The following HMCN2 variants were observed in gnomAD, a reference collection of about 807,000 sequenced individuals.
The protein encoded by HMCN2 is hemicentin-2.
HMCN2 carries 325 observed loss-of-function variants against 377.5 expected under a neutral mutation model. The observed-to-expected ratio is 0.86, with a 90% CI of 0.79 to 0.94. HMCN2 has a LOEUF of 0.94. Among genes scored for constraint, HMCN2 ranks in the 40% least tolerant of loss-of-function variants. HMCN2 has a pLI of 0.00. For synonymous variants in HMCN2, 2,007 were observed against 2,046.8 expected (o/e 0.98, Z 0.53); for missense variants, 4,543 against 4,725.3 (o/e 0.96, Z 1.13).
In HMCN2 at chr9:130,424,184, A is replaced by T. The variant is rs1166668882; in HGVS notation, c.13382-592A>T. On this transcript the variant is annotated intron_variant, in intron 87 of 97. Transcript: ENST00000683500. ...ATATATATATATTTTTTTTTTTTTT[A>T]ATTTTTTTTTTTGAGACGGAGTCTC... Among the ~76,000 whole-genome samples, 88 of 133,264 alleles carry T rather than the reference A, an allele frequency of 6.6e-4. No individual in the cohort carries two copies. The Middle Eastern group carries it at 0.015, about 22-fold the overall frequency. 87.4% of individuals were successfully genotyped at this position (133,264 alleles called of 152,430 possible).
Position 130,365,830 on chromosome 9 carries a change from C to G in HMCN2, c.6506-46C>G, listed in dbSNP as rs770059822. 119 of 984,452 alleles carry G rather than the reference C, an allele frequency of 1.2e-4. No homozygotes were observed. The Middle Eastern group carries it at 3.6e-3, about 30-fold the overall frequency. 61.0% of individuals were successfully genotyped at this position (984,452 alleles called of 1,614,324 possible). A position where few individuals can be genotyped will look rare whatever the true frequency, so the allele number is the denominator to read the frequency against. ...TGCCCTCGCCTTGCTCATCCCCTCC[C>G]CATCTCAGCCCCACCCCCACTAACT... On this transcript the variant is annotated intron_variant, in intron 42 of 97. Transcript: ENST00000683500.
chr9:130,352,701 T>A (rs566087860), intron 30 of HMCN2, among the ~76,000 whole-genome samples: 1 of 152,204 alleles, frequency 6.6e-6, no homozygotes, highest in African/African-American at 2.4e-5. Flanking sequence ...TCCAAGCCTG[T>A]GGCCCCGCCC....
At chr9:130,380,126 C>T (rs1172007366) in intron 54 of HMCN2, among the ~76,000 whole-genome samples, 5 of 152,204 alleles carry the variant, frequency 3.3e-5, no homozygotes, top group East Asian at 1.9e-4. Context: ...TCCACCGTCT[C>T]GGATCGGCCT....
At position 130,404,955 on chromosome 9, in the gene HMCN2, C is replaced by T; in HGVS notation, c.12235C>T (p.Pro4079Ser). 1.7e-5 allele frequency: 22 copies of T among 1,289,516 alleles called. No homozygotes were observed. Among genetic ancestry groups the T allele is most frequent in the Non-Finnish European group, 2.2e-5 (22 of 988,728 alleles). 79.9% of individuals were successfully genotyped at this position (1,289,516 alleles called of 1,614,324 possible). ...CTTGCCTTGCAAGGCGAGGGGCAGT[C>T]CTGAGCCCAACATCACCTGGGACAA... ...AFLPCKARGS[P>S]EPNITWDKDG... Residue 4079 changes from proline (P) to serine (S), a missense_variant, in exon 81 of 98, where the codon CCT becomes TCT. Pro to Ser is a moderately conservative substitution (Grantham distance 74, BLOSUM62 -1). Around this residue, in one of 5 missense-constraint regions of HMCN2, gnomAD observed 1,073 missense variants for 1,319.5 expected, o/e 0.81. Transcript: ENST00000683500.
At position 130,414,965 on chromosome 9, in the gene HMCN2, C is replaced by T. The variant is rs1466133906; in HGVS notation, c.12962-3807C>T. 6.6e-6 allele frequency among the ~76,000 whole-genome samples: 1 copy of T among 152,110 alleles called. No individual in the cohort carries two copies. The highest frequency in any genetic ancestry group is 1.5e-5 in the Non-Finnish European group (1 of 68,014). On this transcript the variant is annotated intron_variant, in intron 85 of 97. Transcript: ENST00000683500. The surrounding 1 kb of genome is among the most constrained non-coding windows in gnomAD (Gnocchi z 4.4). ...CACTGAGTGGGAAGCCCCTCGCCTA[C>T]ACAGGCCGAGTGGGGAGCAATAAGC...
rs952558796 is a variant in HMCN2 at position 130,351,898 on chromosome 9, C to A, written c.4585+321C>A. Among the ~76,000 whole-genome samples the A allele has an allele frequency of 3.3e-5, 5 of 152,060 alleles. No individual in the cohort carries two copies. Among genetic ancestry groups the A allele is most frequent in the Non-Finnish European group, 7.4e-5 (5 of 68,004 alleles). Reference sequence around the variant, plus strand: ...ACCATCTTGGCTCACTGCAACCTCCCCCTCCCAGATTCAAGTGATTCTCTT... The same window carrying A: ...ACCATCTTGGCTCACTGCAACCTCCACCTCCCAGATTCAAGTGATTCTCTT... On this transcript the variant is annotated intron_variant, in intron 30 of 97. Transcript: ENST00000683500. The surrounding 1 kb of genome is among the most constrained non-coding windows in gnomAD (Gnocchi z 5.4).
chr9:130,425,971 C>A, intron 90 of HMCN2, 47 bp downstream of exon 90: 2 of 1,408,826 alleles, frequency 1.4e-6, no homozygotes, highest in Non-Finnish European at 1.9e-6. Flanking sequence ...CAGCTAAAAC[C>A]TGCCAGGGGG....
chr9:130,274,986 T>C (rs1402797647), intron 1 of HMCN2, among the ~76,000 whole-genome samples: 2 of 152,244 alleles, frequency 1.3e-5, no homozygotes, highest in African/African-American at 4.8e-5. Flanking sequence ...AAAATTGCTT[T>C]GTTAAAGTAT....
In HMCN2 at chr9:130,304,690, C is replaced by A; in HGVS notation, c.1544-40C>A. On this transcript the variant is annotated intron_variant, in intron 10 of 97. Transcript: ENST00000683500. The surrounding 1 kb of genome is among the most constrained non-coding windows in gnomAD (Gnocchi z 4.3). ...GCTTGCACGATGACCCCCTCCCTTG[C>A]CTCAGCTCCTTGGTTCCTCCTGTGC... The A allele has an allele frequency of 4.6e-6, 2 of 435,382 alleles. No individual in the cohort carries two copies. The allele number at this position is 435,382 out of a possible 1,614,324, so 27.0% of individuals were successfully genotyped here. A position where few individuals can be genotyped will look rare whatever the true frequency, so the allele number is the denominator to read the frequency against.
intron 7 of HMCN2, 73 bp from the exon 8 acceptor site, chr9:130,298,951 AG>A: frequency 2.4e-6 from 1 of 408,262 alleles, no homozygotes; most frequent in Middle Eastern, 3.7e-4. Flanking sequence ...GTGTGGTTCG[AG>A]GGCCCCTACT....
In HMCN2 at chr9:130,265,820, G is replaced by A; in HGVS notation, c.-59G>A. On this transcript the variant is annotated 5_prime_UTR_variant, in exon 1 of 98. Coordinates refer to ENST00000683500, the MANE Select transcript of HMCN2 (RefSeq NM_001291815.2). ...TGCAGCCGCCGTGTGCACCGGGGCG[G>A]CCGGCTAGCTCCGACCTGCGCCTCC... The A allele has an allele frequency of 3.5e-6, 1 of 287,362 alleles. No homozygotes were observed. Among genetic ancestry groups the A allele is most frequent in the Non-Finnish European group, 6.7e-6 (1 of 148,252 alleles). 17.8% of individuals were successfully genotyped at this position (287,362 alleles called of 1,614,324 possible).
intron 31 of HMCN2, 41 bp downstream of exon 31, chr9:130,353,246 G>A: frequency 7.7e-7 from 1 of 1,292,118 alleles, no homozygotes; most frequent in Non-Finnish European, 1.0e-6. Context: ...TGGGCAGTGG[G>A]AGGGACTCAG....
Position 130,299,084 on chromosome 9 carries a change from T to A in HMCN2, c.1072T>A (p.Ser358Thr), listed in dbSNP as rs1554933230. The A allele has an allele frequency of 6.4e-6, 3 of 471,074 alleles. No homozygotes were observed. In the East Asian group the frequency reaches 2.1e-4, roughly 33 times the overall value. 29.2% of individuals were successfully genotyped at this position (471,074 alleles called of 1,614,324 possible). A position where few individuals can be genotyped will look rare whatever the true frequency, so the allele number is the denominator to read the frequency against. Residue 358 changes from serine (S) to threonine (T), a missense_variant, in exon 8 of 98, where the codon TCG becomes ACG. Around this residue, in one of 5 missense-constraint regions of HMCN2, gnomAD observed 547 missense variants for 189.9 expected, o/e 2.88. Transcript: ENST00000683500. ...TGLKAPGRLDSVELAQSSGKP... is the reference protein window; with the variant it reads ...TGLKAPGRLDTVELAQSSGKP... ...CCTGAAGGCACCCGGCCGCCTAGAC[T>A]CGGTGGAGCTGGCACAAAGCTCAGG... is the stretch of plus-strand genomic sequence containing the variant.
rs1844101968 is a variant in HMCN2, at chr9:130,422,893, A to G, written c.13381+167A>G. ...CATCTCTCAAAGCTGAGTGCAATCCAAAGTGGACTCAGATGCAGGCAACTT... is the reference window on the plus strand; with the variant it reads ...CATCTCTCAAAGCTGAGTGCAATCCGAAGTGGACTCAGATGCAGGCAACTT... On this transcript the variant is annotated intron_variant, in intron 87 of 97. Coordinates refer to ENST00000683500, the MANE Select transcript of HMCN2 (RefSeq NM_001291815.2). The surrounding 1 kb of genome is among the most constrained non-coding windows in gnomAD (Gnocchi z 4.2). Among the ~76,000 whole-genome samples, 1 of 152,194 alleles carries G rather than the reference A, an allele frequency of 6.6e-6. No individual in the cohort carries two copies.
At chr9:130,358,931 C>T (rs557743946) in intron 36 of HMCN2, among the ~76,000 whole-genome samples, 56 of 152,346 alleles carry the variant, frequency 3.7e-4, no homozygotes, top group Middle Eastern at 3.4e-3. Context: ...GCCTCGGCCT[C>T]CCAAAGTGCT....
At chr9:130,334,916 G>A (rs1838661815) in intron 22 of HMCN2, among the ~76,000 whole-genome samples, 1 of 147,850 alleles carries the variant, frequency 6.8e-6, no homozygotes, top group Non-Finnish European at 1.5e-5. Flanking sequence ...CACAACCAGA[G>A]CTCTCAATCT....
rs1467549584 is a variant in HMCN2 at position 130,392,029 on chromosome 9, C to G, written c.10047C>G (p.Ser3349=). 1 of 988,254 alleles carries G rather than the reference C, an allele frequency of 1.0e-6. No homozygotes were observed. The highest frequency in any genetic ancestry group is 6.1e-5 in the Admixed American group (1 of 16,282). The allele number at this position is 988,254 out of a possible 1,614,324, so 61.2% of individuals were successfully genotyped here. A position where few individuals can be genotyped will look rare whatever the true frequency, so the allele number is the denominator to read the frequency against. The change falls in exon 66 of 98, where the codon TCC becomes TCG. Residue 3349 remains serine (S), a synonymous_variant. Coordinates refer to ENST00000683500, the MANE Select transcript of HMCN2 (RefSeq NM_001291815.2). ...LVTMVCPVRG[S]PPIHVSWLKD... is the part of the protein sequence containing the mutation. ...CCATGGTGTGCCCTGTGCGGGGCTC[C>G]CCGCCCATCCACGTGAGCTGGCTCA...
At chr9:130,389,735 C>T (rs189576797) in intron 62 of HMCN2, among the ~76,000 whole-genome samples, 1 of 152,072 alleles carries the variant, frequency 6.6e-6, no homozygotes, top group African/African-American at 2.4e-5. Context: ...CCACCACGCC[C>T]AGCTAATGTT....
At chr9:130,293,279 G>GTTTTTATTTTTTTTTTTTTTTTTT in intron 4 of HMCN2, among the ~76,000 whole-genome samples, 1 of 57,122 alleles carries the variant, frequency 1.8e-5, no homozygotes, top group Non-Finnish European at 2.7e-5. Flanking sequence ...ACTCACTAAA[G>GTTTTTATTTTTTTTTTTTTTTTTT]TTTTTTTTTT....
Sources: gnomAD v4.1 joint callset for allele counts (sites outside exome capture counted in the v4.1 genomes callset) on GRCh38, gnomAD v4.1.1 for gene constraint, gnomAD v4.1.1 regional missense constraint, Gnocchi (gnomAD v3.1) non-coding constraint, MANE v1.5 for transcripts, NCBI Gene and HGNC (gene_info 2026-07-23, HGNC 2026-07-21) for gene names.